ABCA2: variants seen among roughly 807,000 people sequenced by gnomAD.
ABCA2 encodes ATP binding cassette subfamily A member 2, also known as ATP-binding cassette sub-family A member 2.
A neutral mutation model predicts 262.8 loss-of-function variants in ABCA2; 84 were observed. The ratio of observed to expected loss-of-function variants is 0.32; its 90% CI spans 0.27 to 0.38. The LOEUF (loss-of-function observed/expected upper bound fraction) is 0.38, where lower values mean the gene tolerates loss of function less well. Among genes scored for constraint, ABCA2 ranks in the 10% least tolerant of loss-of-function variants. The pLI, the probability that ABCA2 is intolerant of heterozygous loss-of-function variation, is 1.00. For synonymous variants in ABCA2, 1,696 were observed against 1,502.9 expected (o/e 1.13, Z -2.97); for missense variants, 2,662 against 3,405.9 (o/e 0.78, Z 5.44).
chr9:137,028,878 GGC>G (rs771101292), upstream of ABCA2: 1 of 1,328,488 alleles, frequency 7.5e-7, no homozygotes, highest in Non-Finnish European at 9.9e-7. This position sits in a 1 kb window ranked among gnomAD's most constrained non-coding sequence, Gnocchi z 6.9. Context: ...CCCATATTCG[GGC>G]GAGTCTGGTC....
At chr9:137,015,915 C>T in intron 22 of ABCA2, 44 bp from the exon 23 acceptor site, 1 of 1,605,268 alleles carries the variant, frequency 6.2e-7, no homozygotes, top group Non-Finnish European at 8.5e-7. Flanking sequence ...TATGCAGAGC[C>T]CCAGGGCCTC....
chr9:137,013,160 C>T lies in ABCA2; in HGVS notation c.4709G>A (p.Arg1570Gln), dbSNP rs570738718. Residue 1570 changes from arginine (R) to glutamine (Q), a missense_variant, in exon 30 of 49, where the codon CGG (arginine) becomes CAG (glutamine). Physicochemically the swap from Arg to Gln is conservative, Grantham distance 43. Transcript: ENST00000341511. ...CTCCAGACACATGCTGTCGAAGAACCGAGCCGCCAGCAGGCGCGACTCCCC... is the reference window on the plus strand; with the variant it reads ...CTCCAGACACATGCTGTCGAAGAACTGAGCCGCCAGCAGGCGCGACTCCCC... ...SSGESRLLAA[R>Q]FFDSMCLESF... 4.5e-5 allele frequency: 72 copies of T among 1,599,902 alleles called. No homozygotes were observed. Among genetic ancestry groups the T allele is most frequent in the East Asian group, 2.9e-4 (13 of 44,280 alleles).
intron 2 of ABCA2, 90 bp downstream of exon 2, chr9:137,024,053 G>A (rs1831569244): frequency 6.6e-7 from 1 of 1,517,316 alleles, no homozygotes; most frequent in Non-Finnish European, 8.9e-7. Flanking sequence ...TCCGGGAGCA[G>A]GACACCCGTG....
rs1246747474 is a variant in ABCA2 at position 137,010,615 on chromosome 9, C to A, written c.6174+5G>T. The A allele has an allele frequency of 6.5e-7, 1 of 1,537,436 alleles. No individual in the cohort carries two copies. Among genetic ancestry groups the A allele is most frequent in the Non-Finnish European group, 9.0e-7 (1 of 1,112,936 alleles). On this transcript the variant is annotated splice_donor_5th_base_variant and intron_variant, in intron 40 of 48. Coordinates refer to ENST00000341511, the MANE Select transcript of ABCA2 (RefSeq NM_001606.5). The stretch of plus-strand genomic sequence containing the variant: ...CAGGCCCCACCCTACATGCCCAGAG[C>A]CCACCTTGGTCAGGTTCTCAATCTT...
rs201762520 is a variant in ABCA2, at chr9:137,017,074, C to T, written c.2604G>A (p.Leu868=). ...GGATGCCCACGCCGGCCACCTCATA[C>T]AGCGCGAAGTACTTAGAGCCCAGAC... ...AFGLGSKYFA[L]YEVAGVGIQW... Residue 868 remains leucine, a synonymous_variant, in exon 19 of 49, where the codon CTG becomes CTA. Coordinates refer to ENST00000341511, the MANE Select transcript of ABCA2 (RefSeq NM_001606.5). 49 of 1,612,656 alleles carry T rather than the reference C, an allele frequency of 3.0e-5. No homozygotes were observed. The African/African-American group carries it at 6.3e-4, about 21-fold the overall frequency.
At position 137,010,085 on chromosome 9, in the gene ABCA2, G is replaced by A. The variant is rs1191691712; in HGVS notation, c.6393C>T (p.Gly2131=). ...ACAGCGCGTCACACTGCGGGCAGTAGCCGAGGCTCTGCTGCACCTGGAGCA... is the reference window on the plus strand; with the variant it reads ...ACAGCGCGTCACACTGCGGGCAGTAACCGAGGCTCTGCTGCACCTGGAGCA... ...KELLQVQQSL[G]YCPQCDALFD... Residue 2131 remains glycine, a synonymous_variant, in exon 42 of 49, where the codon GGC becomes GGT. Transcript: ENST00000341511. 2 of 1,599,046 alleles carry A rather than the reference G, an allele frequency of 1.3e-6. No homozygotes were observed. The highest frequency in any genetic ancestry group is 4.5e-5 in the East Asian group (2 of 44,532).
chr9:137,026,275 TGAGCTCTGCCCAGGGTG>T (rs1415621400), intron 1 of ABCA2, among the ~76,000 whole-genome samples: 3 of 152,190 alleles, frequency 2.0e-5, no homozygotes, highest in African/African-American at 7.2e-5. Flanking sequence ...CTCCAGACCC[TGAGCTCTGCCCAGGGTG>T]GAGCTCTGCC....
chr9:137,024,114 C>A, intron 2 of ABCA2, 29 bp downstream of exon 2: 1 of 1,590,284 alleles, frequency 6.3e-7, no homozygotes. Context: ...GCTCCCCCGG[C>A]TGTGCCTGGG....
In ABCA2 at chr9:137,015,450, G is replaced by A; in HGVS notation, c.3661C>T (p.Leu1221=). The part of the protein sequence containing the change: ...GTYGDGYRLT[L]VKRPAEPGGP... The stretch of plus-strand genomic sequence containing the variant: ...CCCGGCTCGGCGGGCCGCTTGACCA[G>A]CGTGAGGCGGTACCCGTCGCCATAG... The change falls in exon 24 of 49, where the codon CTG becomes TTG. Residue 1221 remains leucine, a synonymous_variant. Coordinates refer to ENST00000341511, the MANE Select transcript of ABCA2 (RefSeq NM_001606.5). 6.3e-7 allele frequency: 1 copy of A among 1,580,294 alleles called. No homozygotes were observed. Among genetic ancestry groups the A allele is most frequent in the Non-Finnish European group, 8.6e-7 (1 of 1,165,768 alleles).
chr9:137,022,200 CAGAG>C, intron 6 of ABCA2, 147 bp downstream of exon 6: 1 of 823,712 alleles, frequency 1.2e-6, no homozygotes, highest in South Asian at 3.5e-5. Context: ...GGGCATGGCT[CAGAG>C]AGTGGGGGCG....
At chr9:137,016,509 G>A (rs368657793) in intron 20 of ABCA2, 38 bp from the exon 21 acceptor site, 26 of 1,612,188 alleles carry the variant, frequency 1.6e-5, no homozygotes, top group East Asian at 4.5e-5. Context: ...TGGGGGCGGC[G>A]CCAAGGCCAC....
At position 137,011,268 on chromosome 9, in the gene ABCA2, G is replaced by A. The variant is rs985618889; in HGVS notation, c.5841C>T (p.Leu1947=). ...VVNSYLKSCF[L]IFPNYNLGHG... is the part of the protein sequence containing the mutation. ...GGCCCAGGTTGTAGTTGGGGAAAAT[G>A]AGGAAGCAGCTTTTCAGGTAACTGT... The change falls in exon 38 of 49, where the codon CTC becomes CTT. Residue 1947 remains leucine (L), a synonymous_variant. Transcript: ENST00000341511. This position sits in a 1 kb window ranked among gnomAD's most constrained non-coding sequence, Gnocchi z 8.8. The A allele has an allele frequency of 3.1e-6, 5 of 1,612,576 alleles. No individual in the cohort carries two copies. Among genetic ancestry groups the A allele is most frequent in the South Asian group, 2.2e-5 (2 of 91,088 alleles).
chr9:137,018,623 G>A lies in ABCA2; in HGVS notation c.1819+96C>T, dbSNP rs539467618. ...GGGTGAGGGGGGAAGGCCAGGGCGCGGCCAAGGAGTGGGAGGGCACAGGGG... is the reference window on the plus strand; with the variant it reads ...GGGTGAGGGGGGAAGGCCAGGGCGCAGCCAAGGAGTGGGAGGGCACAGGGG... On this transcript the variant is annotated intron_variant, in intron 13 of 48. Transcript: ENST00000341511. 984 of 1,068,246 alleles carry A rather than the reference G, an allele frequency of 9.2e-4. 10 individuals are homozygous for A. The African/African-American group carries it at 0.012, about 13-fold the overall frequency. 66.2% of individuals were successfully genotyped at this position (1,068,246 alleles called of 1,614,324 possible).
intron 17 of ABCA2, 51 bp from the exon 18 acceptor site, chr9:137,017,397 C>T (rs548530282): frequency 1.2e-6 from 2 of 1,607,274 alleles, no homozygotes; most frequent in South Asian, 2.2e-5. Context: ...CGCCCGGCCT[C>T]CTGGGCAGGC....
Position 137,018,811 on chromosome 9 carries a change from C to G in ABCA2, c.1727G>C (p.Ser576Thr). 6.2e-7 allele frequency: 1 copy of G among 1,612,680 alleles called. No individual in the cohort carries two copies. The highest frequency in any genetic ancestry group is 8.5e-7 in the Non-Finnish European group (1 of 1,179,842). ...GGGGAAGCCCTTGAAGATGTCCACGCTCACCTAGCGGGAGGGGCATCGCTG... is the reference window on the plus strand; with the variant it reads ...GGGGAAGCCCTTGAAGATGTCCACGGTCACCTAGCGGGAGGGGCATCGCTG... ...CGWIQFMSKV[S>T]VDIFKGFPDE... The change falls in exon 13 of 49, where the codon AGC (serine) becomes ACC (threonine). Residue 576 changes from serine (S) to threonine (T), a missense_variant. Transcript: ENST00000341511.
intron 3 of ABCA2, 178 bp downstream of exon 3, chr9:137,023,660 C>G (rs1226984521): frequency 2.9e-6 from 2 of 684,396 alleles, no homozygotes; most frequent in Non-Finnish European, 5.4e-6. Context: ...CTTTCACTCC[C>G]TACCACCTCC....
In ABCA2 at chr9:137,021,276, G is replaced by A. The variant is rs1327938464; in HGVS notation, c.897+116C>T. 2 of 1,370,000 alleles carry A rather than the reference G, an allele frequency of 1.5e-6. No homozygotes were observed. The highest frequency in any genetic ancestry group is 4.4e-5 in the Admixed American group (2 of 45,748). 84.9% of individuals were successfully genotyped at this position (1,370,000 alleles called of 1,614,324 possible). On this transcript the variant is annotated intron_variant, in intron 8 of 48. Coordinates refer to ENST00000341511, the MANE Select transcript of ABCA2 (RefSeq NM_001606.5). This position sits in a 1 kb window ranked among gnomAD's most constrained non-coding sequence, Gnocchi z 6.0. ...GGTGCCATTGGATACCCACCCACAG[G>A]CAGCATCCCACGCACAGCCTGGGCC...
chr9:137,022,913 G>A, intron 4 of ABCA2, 28 bp downstream of exon 4: 1 of 1,554,670 alleles, frequency 6.4e-7, no homozygotes, highest in Non-Finnish European at 8.7e-7. Context: ...GGAGGGGTGG[G>A]TGCTCCGAGG....
At position 137,015,120 on chromosome 9, in the gene ABCA2, A is replaced by C. The variant is rs1253876032; in HGVS notation, c.3698-23T>G. The stretch of plus-strand genomic sequence containing the variant: ...GCTCTGTGGGGGACGTGGGAGCAGG[A>C]AGGAATTCACTCAGGGGCTGGGAGG... On this transcript the variant is annotated intron_variant, in intron 24 of 48. Transcript: ENST00000341511. 2.6e-6 allele frequency: 4 copies of C among 1,556,076 alleles called. 1 individual carries two copies. In the East Asian group the frequency reaches 9.0e-5, roughly 35 times the overall value.
Sources: gnomAD v4.1 joint callset for allele counts (sites outside exome capture counted in the v4.1 genomes callset) on GRCh38, gnomAD v4.1.1 for gene constraint, Gnocchi (gnomAD v3.1) non-coding constraint, MANE v1.5 for transcripts, NCBI Gene and HGNC (gene_info 2026-07-23, HGNC 2026-07-21) for gene names.